UVRAG: variants seen among roughly 807,000 people sequenced by gnomAD.
UVRAG encodes UV radiation resistance-associated gene protein.
Under a neutral mutation model 78.0 loss-of-function variants are expected in UVRAG, and 19 were observed. That is an observed-to-expected ratio of 0.24 (90% confidence interval 0.17 to 0.36). The LOEUF (loss-of-function observed/expected upper bound fraction) is 0.36. Ranked by LOEUF, UVRAG falls within the 10% of genes least tolerant of loss-of-function variation. The pLI, the probability that UVRAG is intolerant of heterozygous loss-of-function variation, is 1.00. For missense variants in UVRAG, 740 were observed against 853.8 expected (o/e 0.87, Z 1.66); for synonymous variants, 323 against 324.6 (o/e 1.00, Z 0.05).
intron 13 of UVRAG, among the ~76,000 whole-genome samples, chr11:76,103,541 T>TTG (rs1276812103): frequency 7.1e-6 from 1 of 141,632 alleles, no homozygotes. Context: ...GTTTTGGTTT[T>TTG]TTTTTTTTTT....
chr11:75,901,270 T>G (rs1279405546), intron 5 of UVRAG, among the ~76,000 whole-genome samples: 2 of 151,022 alleles, frequency 1.3e-5, no homozygotes, highest in Non-Finnish European at 3.0e-5. Flanking sequence ...TGAGCCATTG[T>G]TTTTTTTTCC....
At chr11:76,053,799 G>A (rs1021422788) in intron 12 of UVRAG, among the ~76,000 whole-genome samples, 24 of 151,958 alleles carry the variant, frequency 1.6e-4, no homozygotes, top group African/African-American at 5.1e-4. Flanking sequence ...GTGAAACCCC[G>A]TTTCTACTAA....
intron 13 of UVRAG, among the ~76,000 whole-genome samples, chr11:76,095,159 C>T (rs528301714): frequency 7.2e-5 from 11 of 152,210 alleles, no homozygotes; most frequent in East Asian, 1.9e-4. Flanking sequence ...GCCTGGCTCA[C>T]GGAGTTTGAA....
intron 3 of UVRAG, among the ~76,000 whole-genome samples, chr11:75,877,344 C>G (rs979165725): frequency 6.6e-6 from 1 of 152,172 alleles, no homozygotes; most frequent in Middle Eastern, 3.2e-3. Flanking sequence ...CATCATGGCC[C>G]GTTCTCAATG....
At chr11:76,030,477 G>A (rs61894364) in intron 12 of UVRAG, among the ~76,000 whole-genome samples, 3,179 of 152,298 alleles carry the variant, frequency 0.021, 49 homozygotes, top group Middle Eastern at 0.041. Flanking sequence ...ATACGGGTTA[G>A]TGAATGCTGA....
At position 75,948,387 on chromosome 11, in the gene UVRAG, G is replaced by A. The variant is rs570738843; in HGVS notation, c.594-13057G>A. 7.2e-5 allele frequency among the ~76,000 whole-genome samples: 11 copies of A among 152,254 alleles called. No individual in the cohort carries two copies. The South Asian group carries it at 2.3e-3, about 32-fold the overall frequency. ...GAACCAGGGTGCTTACAGTGGGAAT[G>A]ATGAAAAGGAAATTATGCGGATAAG... On this transcript the variant is annotated intron_variant, in intron 6 of 14. Coordinates refer to ENST00000356136, the MANE Select transcript of UVRAG (RefSeq NM_003369.4).
At chr11:75,917,302 A>G (rs939572643) in intron 6 of UVRAG, among the ~76,000 whole-genome samples, 2 of 152,238 alleles carry the variant, frequency 1.3e-5, no homozygotes, top group African/African-American at 4.8e-5. Flanking sequence ...CTAAACAGTC[A>G]TAATAAAAAA....
chr11:75,881,460 A>G (rs1400707750), intron 4 of UVRAG, among the ~76,000 whole-genome samples: 1 of 152,218 alleles, frequency 6.6e-6, no homozygotes. Context: ...CTGATTAGCC[A>G]TTCCAAAGGC....
At chr11:75,947,281 C>G (rs561763048) in intron 6 of UVRAG, among the ~76,000 whole-genome samples, 2 of 152,134 alleles carry the variant, frequency 1.3e-5, no homozygotes, top group African/African-American at 4.8e-5. Context: ...TATAGCCCCT[C>G]AATTCCTTCA....
In UVRAG at chr11:75,824,975, GTT is replaced by G. The variant is rs568138075; in HGVS notation, c.117+9453_117+9454del. On this transcript the variant is annotated intron_variant, in intron 1 of 14. Coordinates refer to ENST00000356136, the MANE Select transcript of UVRAG (RefSeq NM_003369.4). ...GGCGTGAGCCAGCGCGCCCGGCCAAGTTTGTCATTTTCAACGTACTGGAATGT... is the reference window on the plus strand; with the variant it reads ...GGCGTGAGCCAGCGCGCCCGGCCAAGTGTCATTTTCAACGTACTGGAATGT... Among the ~76,000 whole-genome samples, 10 of 151,828 alleles carry G rather than the reference GTT, an allele frequency of 6.6e-5. No individual in the cohort carries two copies. The East Asian group carries it at 1.9e-3, about 30-fold the overall frequency.
chr11:76,069,458 G>A (rs1330369711), intron 13 of UVRAG, among the ~76,000 whole-genome samples: 5 of 152,128 alleles, frequency 3.3e-5, no homozygotes, highest in Non-Finnish European at 7.3e-5. Flanking sequence ...TCAAAATTCA[G>A]GTGCAGTATA....
intron 5 of UVRAG, among the ~76,000 whole-genome samples, chr11:75,902,614 T>C (rs1024967211): frequency 6.6e-6 from 1 of 152,218 alleles, no homozygotes; most frequent in African/African-American, 2.4e-5. Flanking sequence ...CTTCCAGTTT[T>C]CCATGTCTTT....
intron 7 of UVRAG, among the ~76,000 whole-genome samples, chr11:75,962,618 C>T (rs187756200): frequency 1.3e-5 from 2 of 152,278 alleles, no homozygotes; most frequent in Admixed American, 1.3e-4. Context: ...AAAACATCTT[C>T]CGTTTCAAAG....
chr11:75,868,435 A>T (rs1400578678), intron 3 of UVRAG, among the ~76,000 whole-genome samples: 8 of 152,164 alleles, frequency 5.3e-5, no homozygotes, highest in Non-Finnish European at 7.3e-5. Context: ...GCAATAGGAG[A>T]TGATGGTCAA....
At chr11:75,934,442 T>G (rs896768457) in intron 6 of UVRAG, among the ~76,000 whole-genome samples, 1 of 152,064 alleles carries the variant, frequency 6.6e-6, no homozygotes, top group Non-Finnish European at 1.5e-5. Flanking sequence ...TACTTGCTAG[T>G]AAAAACAAGA....
At chr11:75,883,642 T>A (rs987632968) in intron 4 of UVRAG, among the ~76,000 whole-genome samples, 2 of 152,196 alleles carry the variant, frequency 1.3e-5, no homozygotes, top group Non-Finnish European at 2.9e-5. Context: ...TCCAGAGATT[T>A]GTAGGACAAG....
intron 12 of UVRAG, among the ~76,000 whole-genome samples, chr11:76,052,554 A>G (rs1217369253): frequency 8.5e-5 from 13 of 152,290 alleles, no homozygotes; most frequent in East Asian, 1.9e-4. Flanking sequence ...TTCATTTACC[A>G]TATTATCAGC....
At chr11:75,829,788 G>A (rs1008306225) in intron 1 of UVRAG, among the ~76,000 whole-genome samples, 1 of 152,148 alleles carries the variant, frequency 6.6e-6, no homozygotes, top group African/African-American at 2.4e-5. Context: ...TCCAGTAAAA[G>A]TTTAAGGATA....
chr11:76,045,674 T>C (rs1017774234), intron 12 of UVRAG, among the ~76,000 whole-genome samples: 21 of 144,706 alleles, frequency 1.5e-4, no homozygotes, highest in East Asian at 4.0e-4. Context: ...TTCAACAGAA[T>C]GCTGGAGGTA....
Sources: gnomAD v4.1 joint callset for allele counts (sites outside exome capture counted in the v4.1 genomes callset) on GRCh38, gnomAD v4.1.1 for gene constraint, MANE v1.5 for transcripts, NCBI Gene and HGNC (gene_info 2026-07-23, HGNC 2026-07-21) for gene names.